ADCY6: variants seen among roughly 807,000 people sequenced by gnomAD.
ADCY6 encodes the protein adenylate cyclase type 6.
A neutral mutation model predicts 111.6 loss-of-function variants in ADCY6; 59 were observed. The observed-to-expected ratio is 0.53, with a 90% CI of 0.43 to 0.66. The LOEUF (loss-of-function observed/expected upper bound fraction) is 0.66, where lower values mean the gene tolerates loss of function less well. Among genes scored for constraint, ADCY6 ranks in the 30% least tolerant of loss-of-function variants. ADCY6 has a pLI of 0.00. For missense variants in ADCY6, 1,242 were observed against 1,595.6 expected (o/e 0.78, Z 3.78); for synonymous variants, 576 against 642.9 (o/e 0.90, Z 1.57).
In ADCY6 at chr12:48,783,690, C is replaced by T. The variant is rs529463156; in HGVS notation, c.-4-252G>A. 3.0e-5 allele frequency: 23 copies of T among 757,706 alleles called. No homozygotes were observed. In the East Asian group the frequency reaches 7.2e-4, roughly 24 times the overall value. 46.9% of individuals were successfully genotyped at this position (757,706 alleles called of 1,614,324 possible). On this transcript the variant is annotated intron_variant, in intron 1 of 21. Coordinates refer to ENST00000357869, the MANE Select transcript of ADCY6 (RefSeq NM_015270.5). Reference sequence around the variant, plus strand: ...AGGCACAGTGGCTTACACCTGTAATCCCAGCACTTTGTGAGGCCGAGATAG... The same window carrying T: ...AGGCACAGTGGCTTACACCTGTAATTCCAGCACTTTGTGAGGCCGAGATAG...
At position 48,772,316 on chromosome 12, in the gene ADCY6, T is replaced by C; in HGVS notation, c.2766A>G (p.Leu922=). Residue 922 remains leucine (L), a synonymous_variant, in exon 18 of 22, where the codon CTA becomes CTG. Coordinates refer to ENST00000357869, the MANE Select transcript of ADCY6 (RefSeq NM_015270.5). The stretch of plus-strand genomic sequence containing the variant: ...TCACCTGTAGTTTCCAGAGGAAGTC[T>C]AGGCGGGCAGTCGACTCCACCTGCT... ...HAQQVESTAR[L]DFLWKLQATG... 6.2e-7 allele frequency: 1 copy of C among 1,613,800 alleles called. No individual in the cohort carries two copies. The highest frequency in any genetic ancestry group is 1.3e-5 in the African/African-American group (1 of 75,050).
chr12:48,781,152 C>T (rs1456679707), intron 2 of ADCY6, among the ~76,000 whole-genome samples: 13 of 151,132 alleles, frequency 8.6e-5, no homozygotes, highest in African/African-American at 2.4e-4. Flanking sequence ...GAGCTGAGAT[C>T]GCGCCACTGC....
chr12:48,774,880 G>T (rs915760152), intron 12 of ADCY6, 77 bp downstream of exon 12: 1 of 1,516,448 alleles, frequency 6.6e-7, no homozygotes, highest in East Asian at 2.4e-5. Context: ...CAGGGATTGT[G>T]GGCTTGTGTG....
In ADCY6 at chr12:48,775,264, T is replaced by C. The variant is rs1246586704; in HGVS notation, c.1980+39A>G. 1.9e-6 allele frequency: 3 copies of C among 1,610,978 alleles called. No homozygotes were observed. The East Asian group carries it at 6.7e-5, about 36-fold the overall frequency. On this transcript the variant is annotated intron_variant, in intron 11 of 21. Coordinates refer to ENST00000357869, the MANE Select transcript of ADCY6 (RefSeq NM_015270.5). ...AGCCTTCCCTGCTGCGACCTGCCCC[T>C]CCCCCAGCCCTTGTCCTTCTGCCCT...
rs371352626 is a variant in ADCY6, at chr12:48,771,890, C to T, written c.2871G>A (p.Ala957=). ...GGCGCTCCCGGGCCAGGAAGTGGGC[C>T]GCCACGTCCTTGGGCAGAATGTTAT... The part of the protein sequence containing the change: ...LLHNILPKDV[A]AHFLARERRN... Residue 957 remains alanine (A), a synonymous_variant, in exon 19 of 22, where the codon GCG becomes GCA. Transcript: ENST00000357869. This position sits in a 1 kb window ranked among gnomAD's most constrained non-coding sequence, Gnocchi z 4.3. The T allele has an allele frequency of 9.3e-6, 15 of 1,614,048 alleles. No homozygotes were observed. The highest frequency in any genetic ancestry group is 2.7e-5 in the African/African-American group (2 of 74,920).
Position 48,775,036 on chromosome 12 carries a change from G to C in ADCY6, c.1999C>G (p.Pro667Ala). 3 of 1,556,166 alleles carry C rather than the reference G, an allele frequency of 1.9e-6. No individual in the cohort carries two copies. The highest frequency in any genetic ancestry group is 1.4e-5 in the African/African-American group (1 of 73,372). ...LEKKYSRKVDPRFGAYVACAL... is the reference protein window; with the variant it reads ...LEKKYSRKVDARFGAYVACAL... ...CAGGCAACGTAGGCTCCGAAGCGGG[G>C]ATCCACCTTCCGGGAGTACTGAGGG... Residue 667 changes from proline (P) to alanine (A), a missense_variant, in exon 12 of 22, where the codon CCC (proline) becomes GCC (alanine). Pro to Ala is a conservative substitution (Grantham distance 27). Transcript: ENST00000357869.
At chr12:48,783,585 T>C in intron 1 of ADCY6, 147 bp from the exon 2 acceptor site, 1 of 1,475,262 alleles carries the variant, frequency 6.8e-7, no homozygotes, top group Non-Finnish European at 9.0e-7. Flanking sequence ...TAAAATTACT[T>C]GGAGGTAGGC....
intron 11 of ADCY6, 99 bp from the exon 12 acceptor site, chr12:48,775,153 G>A: frequency 7.0e-7 from 1 of 1,433,258 alleles, no homozygotes; most frequent in Non-Finnish European, 9.6e-7. Context: ...GGGAGGAGAT[G>A]CAGTTGGCTC....
intron 18 of ADCY6, 89 bp from the exon 19 acceptor site, chr12:48,772,062 T>A: frequency 6.6e-7 from 1 of 1,504,326 alleles, no homozygotes; most frequent in Non-Finnish European, 8.9e-7. Flanking sequence ...TAAGAGGGAA[T>A]CACATAGAGA....
chr12:48,779,574 C>T (rs949513733), intron 2 of ADCY6, among the ~76,000 whole-genome samples: 1 of 152,120 alleles, frequency 6.6e-6, no homozygotes, highest in Non-Finnish European at 1.5e-5. Context: ...CTCAGCCCTG[C>T]CAGGCCCTAG....
rs1171518382 is a variant in ADCY6 at position 48,768,686 on chromosome 12, C to T, written c.3412G>A (p.Ala1138Thr). Residue 1138 changes from alanine to threonine, a missense_variant, in exon 22 of 22, where the codon GCC (alanine) becomes ACC (threonine). Physicochemically the swap from Ala to Thr is moderately conservative, Grantham distance 58. Transcript: ENST00000357869. ...VTTDLYQVLAAKGYQLECRGV... is the reference protein window; with the variant it reads ...VTTDLYQVLATKGYQLECRGV... Reference sequence around the variant, plus strand: ...CGACACTCCAGCTGGTAGCCCTTGGCAGCTAGAACCTGGTACAGGTCCGTG... The same window carrying T: ...CGACACTCCAGCTGGTAGCCCTTGGTAGCTAGAACCTGGTACAGGTCCGTG... 1.2e-6 allele frequency: 2 copies of T among 1,614,168 alleles called. No homozygotes were observed. The highest frequency in any genetic ancestry group is 3.3e-5 in the Admixed American group (2 of 60,028).
In ADCY6 at chr12:48,771,013, A is replaced by G; in HGVS notation, c.3052-43T>C. 1 of 1,592,360 alleles carries G rather than the reference A, an allele frequency of 6.3e-7. No individual in the cohort carries two copies. The highest frequency in any genetic ancestry group is 1.1e-5 in the South Asian group (1 of 89,834). On this transcript the variant is annotated intron_variant, in intron 19 of 21. Coordinates refer to ENST00000357869, the MANE Select transcript of ADCY6 (RefSeq NM_015270.5). The surrounding 1 kb of genome is among the most constrained non-coding windows in gnomAD (Gnocchi z 4.3). ...ACCTGGCTGTCAAGGCAAAGACCCCAGACCCAGCCCTGCCCCAACACTCAT... is the reference window on the plus strand; with the variant it reads ...ACCTGGCTGTCAAGGCAAAGACCCCGGACCCAGCCCTGCCCCAACACTCAT...
rs954933681 is a variant in ADCY6, at chr12:48,775,833, ATCT to A, written c.1806+127_1806+129del. 68 of 1,513,168 alleles carry A rather than the reference ATCT, an allele frequency of 4.5e-5. No homozygotes were observed. In the African/African-American group the frequency reaches 7.9e-4, roughly 18 times the overall value. 93.7% of individuals were successfully genotyped at this position (1,513,168 alleles called of 1,614,324 possible). On this transcript the variant is annotated intron_variant, in intron 9 of 21. Transcript: ENST00000357869. ...TGGGGGCACTGGGACCCGAGATGAA[ATCT>A]TCTCACTGCCCCAATACCAGAAAGC...
At position 48,770,935 on chromosome 12, in the gene ADCY6, C is replaced by G; in HGVS notation, c.3087G>C (p.Lys1029Asn). 6.2e-7 allele frequency: 1 copy of G among 1,614,188 alleles called. No individual in the cohort carries two copies. The highest frequency in any genetic ancestry group is 8.5e-7 in the Non-Finnish European group (1 of 1,180,038). ...TGTAGGTGCTACCAATCGTCTTGAT[C>G]TTTTCCAGCTGCCGGAACCGCTCCT... ...ISEERFRQLE[K>N]IKTIGSTYMA... The change falls in exon 20 of 22, where the codon AAG becomes AAC. Residue 1029 changes from lysine (K) to asparagine (N), a missense_variant. Physicochemically the swap from Lys to Asn is moderately conservative, Grantham distance 94. This residue lies in a region of ADCY6 where 245 missense variants were observed against 371.3 expected (regional missense o/e 0.66). Coordinates refer to ENST00000357869, the MANE Select transcript of ADCY6 (RefSeq NM_015270.5).
chr12:48,772,250 C>T (rs963483143), intron 18 of ADCY6, 45 bp downstream of exon 18: 13 of 1,572,384 alleles, frequency 8.3e-6, no homozygotes, highest in Non-Finnish European at 1.1e-5. Context: ...GGCCCAGGCT[C>T]CGCCCCTAGG....
intron 14 of ADCY6, 70 bp downstream of exon 14, chr12:48,774,331 GC>G (rs1941634069): frequency 7.0e-7 from 1 of 1,434,234 alleles, no homozygotes; most frequent in Non-Finnish European, 9.8e-7. Flanking sequence ...CCTTTTCTCC[GC>G]TGTACTCCCA....
At chr12:48,772,231 T>C in intron 18 of ADCY6, 64 bp downstream of exon 18, 1 of 1,547,964 alleles carries the variant, frequency 6.5e-7, no homozygotes, top group Non-Finnish European at 8.7e-7. Flanking sequence ...CAAGATACAT[T>C]TCTGGCCTGG....
chr12:48,786,265 T>C (rs949301942), intron 1 of ADCY6, among the ~76,000 whole-genome samples: 2 of 152,116 alleles, frequency 1.3e-5, no homozygotes, highest in Non-Finnish European at 2.9e-5. Flanking sequence ...GCTGGGGAAT[T>C]CTCTGCATAC....
intron 1 of ADCY6, among the ~76,000 whole-genome samples, chr12:48,785,800 A>C (rs1013614882): frequency 4.6e-5 from 7 of 152,164 alleles, no homozygotes; most frequent in Admixed American, 1.3e-4. Flanking sequence ...CTGGGGCACA[A>C]GACAAATTTG....
Sources: allele counts gnomAD v4.1 joint callset (sites outside exome capture counted in the v4.1 genomes callset), GRCh38; gene constraint gnomAD v4.1.1; regional missense constraint gnomAD v4.1.1; non-coding constraint Gnocchi (gnomAD v3.1); transcripts MANE v1.5; gene names NCBI Gene and HGNC (gene_info 2026-07-23, HGNC 2026-07-21).